LY96: variants seen among roughly 807,000 people sequenced by gnomAD.
LY96 encodes the protein lymphocyte antigen 96.
A neutral mutation model predicts 18.9 loss-of-function variants in LY96; 18 were observed. That is an observed-to-expected ratio of 0.95 (90% CI 0.66 to 1.41). LY96 has a LOEUF of 1.41. Ranked by LOEUF, LY96 falls within the 40% of genes most tolerant of loss-of-function variation. The probability of loss-of-function intolerance (pLI) is 0.00; values close to 1 mark genes in which losing one functional copy is unlikely to be tolerated. For synonymous variants in LY96, 66 were observed against 62.6 expected (o/e 1.06, Z -0.26); for missense variants, 175 against 182.4 (o/e 0.96, Z 0.23).
At chr8:74,086,810 T>C in the LY96 span, among the ~76,000 whole-genome samples, 1 of 152,226 alleles carries the variant, frequency 6.6e-6, no homozygotes, top group African/African-American at 2.4e-5. Flanking sequence ...TCCTTGCTCC[T>C]TCCCCATGTG....
the LY96 span, among the ~76,000 whole-genome samples, chr8:74,035,791 T>C: frequency 6.6e-6 from 1 of 152,224 alleles, no homozygotes; most frequent in Non-Finnish European, 1.5e-5. Flanking sequence ...TTCCCTTCTA[T>C]TGATAATAAT....
At chr8:74,070,270 A>T in the LY96 span, among the ~76,000 whole-genome samples, 11,919 of 151,772 alleles carry the variant, frequency 0.079, 786 homozygotes, top group African/African-American at 0.19. Context: ...TTTTTGTAAT[A>T]TTAGGAGAGA....
the LY96 span, among the ~76,000 whole-genome samples, chr8:74,060,238 A>C: frequency 6.6e-6 from 1 of 152,212 alleles, no homozygotes; most frequent in Non-Finnish European, 1.5e-5. Context: ...ACAAAGATAA[A>C]AGTTAAGTGT....
the LY96 span, among the ~76,000 whole-genome samples, chr8:74,045,988 C>T: frequency 1.3e-5 from 2 of 152,070 alleles, no homozygotes; most frequent in Non-Finnish European, 2.9e-5. Context: ...TGGAAGATGT[C>T]CAGAACTAGG....
At chr8:74,088,652 C>T in the LY96 span, among the ~76,000 whole-genome samples, 1 of 152,190 alleles carries the variant, frequency 6.6e-6, no homozygotes, top group Admixed American at 6.5e-5. Context: ...GTGGCACGAT[C>T]TCGGCTCACT....
chr8:74,050,751 C>T, the LY96 span, among the ~76,000 whole-genome samples: 9 of 152,144 alleles, frequency 5.9e-5, no homozygotes, highest in South Asian at 2.1e-4. Context: ...CAGCTGGGCA[C>T]GGGGGCTCAT....
At chr8:74,025,019 G>C (rs772115053) in intron 3 of LY96, among the ~76,000 whole-genome samples, 10 of 152,032 alleles carry the variant, frequency 6.6e-5, no homozygotes, top group African/African-American at 9.7e-5. Flanking sequence ...TACAGATAAG[G>C]CTTCACCATG....
At chr8:74,085,795 T>C in the LY96 span, among the ~76,000 whole-genome samples, 2 of 152,222 alleles carry the variant, frequency 1.3e-5, no homozygotes, top group Non-Finnish European at 2.9e-5. Context: ...GTACAATGTG[T>C]TGATTTGATA....
chr8:74,057,354 C>A, the LY96 span, among the ~76,000 whole-genome samples: 1 of 151,964 alleles, frequency 6.6e-6, no homozygotes. Context: ...ATTATGATAC[C>A]GTAACACAAA....
the LY96 span, among the ~76,000 whole-genome samples, chr8:74,087,387 G>T: frequency 6.6e-6 from 1 of 152,144 alleles, no homozygotes; most frequent in Non-Finnish European, 1.5e-5. Context: ...CAAAGTTTAA[G>T]AACCAGTGTC....
the LY96 span, among the ~76,000 whole-genome samples, chr8:74,061,250 G>T: frequency 6.6e-6 from 1 of 152,208 alleles, no homozygotes; most frequent in Non-Finnish European, 1.5e-5. Context: ...ATTAGGTCTT[G>T]AAGGCAGAGC....
chr8:74,080,650 C>A, the LY96 span, among the ~76,000 whole-genome samples: 1 of 152,180 alleles, frequency 6.6e-6, no homozygotes, highest in Non-Finnish European at 1.5e-5. Flanking sequence ...TTCCCTGCTT[C>A]CCAACCTTTC....
chr8:74,054,117 T>G, the LY96 span, among the ~76,000 whole-genome samples: 5 of 152,160 alleles, frequency 3.3e-5, no homozygotes, highest in Admixed American at 3.3e-4. Context: ...AGCCTCAACA[T>G]TCTGGGCTCA....
intron 2 of LY96, among the ~76,000 whole-genome samples, chr8:74,009,374 C>CAAAAAAAAA (rs370593442): frequency 1.9e-4 from 11 of 58,806 alleles, no homozygotes; most frequent in Admixed American, 7.8e-4. Context: ...CAGTCTTTCT[C>CAAAAAAAAA]AAAAAAAAAA....
At chr8:74,037,075 G>A in the LY96 span, among the ~76,000 whole-genome samples, 1 of 152,166 alleles carries the variant, frequency 6.6e-6, no homozygotes, top group African/African-American at 2.4e-5. Flanking sequence ...TTGTTCTGAT[G>A]TACAACACAT....
At chr8:74,041,070 C>T in the LY96 span, among the ~76,000 whole-genome samples, 49 of 152,088 alleles carry the variant, frequency 3.2e-4, no homozygotes, top group African/African-American at 8.9e-4. Context: ...GCTGGAGCCG[C>T]GGCAGAGGAA....
At chr8:74,021,007 T>A (rs934786615) in intron 3 of LY96, among the ~76,000 whole-genome samples, 1 of 152,210 alleles carries the variant, frequency 6.6e-6, no homozygotes, top group Non-Finnish European at 1.5e-5. Flanking sequence ...GACATAGGCA[T>A]GGGCAAGGAC....
At chr8:74,035,222 CT>C in the LY96 span, among the ~76,000 whole-genome samples, 6 of 151,160 alleles carry the variant, frequency 4.0e-5, no homozygotes, top group East Asian at 1.9e-4. Context: ...TATGTAAAAA[CT>C]TTTTTTTTAA....
At chr8:74,008,143 C>A (rs1293793512) in intron 2 of LY96, among the ~76,000 whole-genome samples, 1 of 152,220 alleles carries the variant, frequency 6.6e-6, no homozygotes, top group Non-Finnish European at 1.5e-5. Flanking sequence ...TTGTTGCCAT[C>A]GTTCATGTTC....
Sources: gnomAD v4.1 joint callset for allele counts (sites outside exome capture counted in the v4.1 genomes callset) on GRCh38, gnomAD v4.1.1 for gene constraint, MANE v1.5 for transcripts, NCBI Gene and HGNC (gene_info 2026-07-23, HGNC 2026-07-21) for gene names.